The following KIFC3 variants were observed in gnomAD, a reference collection of about 807,000 sequenced individuals.
KIFC3 encodes kinesin-like protein KIFC3.
In KIFC3, 60 loss-of-function variants were observed where a neutral mutation model predicts 101.8. The observed-to-expected ratio is 0.59, with a 90% CI of 0.48 to 0.73. KIFC3 has a LOEUF of 0.73. Among genes scored for constraint, KIFC3 ranks in the 30% least tolerant of loss-of-function variants. The probability of loss-of-function intolerance (pLI) is 0.00; values close to 1 mark genes in which losing one functional copy is unlikely to be tolerated. For missense variants in KIFC3, 966 were observed against 1,137.1 expected, an observed-to-expected ratio of 0.85 and a Z score of 2.16; for synonymous variants, 476 against 482.7, an observed-to-expected ratio of 0.99 and a Z score of 0.18.
chr16:57,767,046 G>A, intron 9 of KIFC3, 61 bp from the exon 10 acceptor site: 1 of 1,391,238 alleles, frequency 7.2e-7, no homozygotes, highest in Non-Finnish European at 1.0e-6. Flanking sequence ...CGGCCTGACT[G>A]CCCACCCCTG....
intron 1 of KIFC3, among the ~76,000 whole-genome samples, chr16:57,810,193 G>GA (rs1416524895): frequency 1.1e-4 from 16 of 151,442 alleles, no homozygotes; most frequent in East Asian, 1.9e-4. Flanking sequence ...ACTACTGGGG[G>GA]AAAAAAAAAT....
chr16:57,824,615 G>A (rs1333480273), intron 1 of KIFC3, among the ~76,000 whole-genome samples: 7 of 152,152 alleles, frequency 4.6e-5, no homozygotes, highest in African/African-American at 1.2e-4. Flanking sequence ...CACAGGAGGC[G>A]GAGGTTGCAG....
At chr16:57,767,079 C>G in intron 9 of KIFC3, 94 bp from the exon 10 acceptor site, 1 of 944,892 alleles carries the variant, frequency 1.1e-6, no homozygotes, top group Non-Finnish European at 1.7e-6. Context: ...TGCCTCCTGC[C>G]CCTGGCTGAG....
intron 1 of KIFC3, among the ~76,000 whole-genome samples, chr16:57,842,649 C>T (rs2055837897): frequency 6.6e-6 from 1 of 152,148 alleles, no homozygotes; most frequent in African/African-American, 2.4e-5. Context: ...TTTCTCTTTT[C>T]ATCCCATAAC....
chr16:57,793,057 C>T (rs1238898662), intron 3 of KIFC3, among the ~76,000 whole-genome samples: 2 of 151,384 alleles, frequency 1.3e-5, no homozygotes, highest in Non-Finnish European at 2.9e-5. Flanking sequence ...GAGGTTGAGG[C>T]GGGTAGATCA....
At chr16:57,862,270 C>T (rs1959338647) in intron 1 of KIFC3, among the ~76,000 whole-genome samples, 1 of 151,202 alleles carries the variant, frequency 6.6e-6, no homozygotes, top group Admixed American at 6.6e-5. Context: ...GTGATCCTCC[C>T]GCCTCAGCCT....
At chr16:57,777,594 G>A (rs1280772646) in intron 3 of KIFC3, among the ~76,000 whole-genome samples, 12 of 152,212 alleles carry the variant, frequency 7.9e-5, no homozygotes, top group South Asian at 2.1e-4. Context: ...CATGGCAGGC[G>A]CCTGTAATCC....
intron 1 of KIFC3, among the ~76,000 whole-genome samples, chr16:57,827,820 G>A (rs1555631046): frequency 1.3e-5 from 2 of 152,316 alleles, no homozygotes; most frequent in Middle Eastern, 3.4e-3. Flanking sequence ...TCCTGAAGAT[G>A]AAAGCTGATT....
Position 57,775,191 on chromosome 16 carries a change from C to A in KIFC3, c.316-2903G>T, listed in dbSNP as rs1199648596. 1.7e-5 allele frequency: 23 copies of A among 1,333,378 alleles called. No homozygotes were observed. In the Admixed American group the frequency reaches 8.6e-4, roughly 50 times the overall value. 82.6% of individuals were successfully genotyped at this position (1,333,378 alleles called of 1,614,324 possible). ...CAGAGGGGCACCCAAAAGGAAGTGG[C>A]CGCAACCGCAACCAGGGCAGGCTGG... On this transcript the variant is annotated intron_variant, in intron 3 of 19. Coordinates refer to ENST00000445690, the MANE Select transcript of KIFC3 (RefSeq NM_001130100.2).
At chr16:57,850,477 T>G (rs887505474) in intron 1 of KIFC3, among the ~76,000 whole-genome samples, 11 of 136,560 alleles carry the variant, frequency 8.1e-5, no homozygotes, top group East Asian at 4.1e-4. Flanking sequence ...TTTTTTTTTT[T>G]TTTTTTTTTT....
At chr16:57,807,940 A>G (rs868970710), upstream of KIFC3, 1 of 128,098 alleles carries the variant, frequency 7.8e-6, no homozygotes, top group Non-Finnish European at 1.5e-5. Flanking sequence ...AAAAAAAAAA[A>G]AAAAAAAAAA....
intron 1 of KIFC3, among the ~76,000 whole-genome samples, chr16:57,838,960 G>T (rs1334856216): frequency 6.6e-6 from 1 of 152,166 alleles, no homozygotes; most frequent in African/African-American, 2.4e-5. Context: ...GACTAGCAAG[G>T]TGCAGAGTGG....
chr16:57,845,296 C>T (rs1013218243), intron 1 of KIFC3, among the ~76,000 whole-genome samples: 6 of 152,190 alleles, frequency 3.9e-5, no homozygotes, highest in African/African-American at 1.2e-4. Context: ...AGTGCCCCCA[C>T]CATCCCTCCC....
chr16:57,861,891 G>A (rs1959301063), intron 1 of KIFC3, among the ~76,000 whole-genome samples: 1 of 152,190 alleles, frequency 6.6e-6, no homozygotes, highest in Non-Finnish European at 1.5e-5. Context: ...GGAGTTTGCA[G>A]TGAGCCAAGA....
intron 1 of KIFC3, chr16:57,862,726 T>C: frequency 7.8e-7 from 1 of 1,275,490 alleles, no homozygotes; most frequent in Non-Finnish European, 1.0e-6. Flanking sequence ...GCCAGGCCCT[T>C]ACCTTGCACT....
intron 9 of KIFC3, among the ~76,000 whole-genome samples, chr16:57,768,131 G>T (rs2050696677): frequency 6.6e-6 from 1 of 152,154 alleles, no homozygotes. Flanking sequence ...TTCAAAACCA[G>T]CCTGGCCAAC....
At chr16:57,854,135 T>C (rs1156242131) in intron 1 of KIFC3, among the ~76,000 whole-genome samples, 1 of 151,262 alleles carries the variant, frequency 6.6e-6, no homozygotes, top group African/African-American at 2.4e-5. Flanking sequence ...AGAAATGGGG[T>C]TTCACCATGT....
At chr16:57,816,149 G>A (rs1339325618) in intron 1 of KIFC3, 1 of 1,216,102 alleles carries the variant, frequency 8.2e-7, no homozygotes, top group African/African-American at 1.6e-5. Flanking sequence ...CTGAGCTGCT[G>A]GGGAGAGGAA....
At chr16:57,842,453 G>C (rs1052829160) in intron 1 of KIFC3, among the ~76,000 whole-genome samples, 5 of 152,192 alleles carry the variant, frequency 3.3e-5, no homozygotes, top group Non-Finnish European at 4.4e-5. Context: ...CAGTGCAGCA[G>C]AGCGGGAATC....
Sources: allele counts gnomAD v4.1 joint callset (sites outside exome capture counted in the v4.1 genomes callset), GRCh38; gene constraint gnomAD v4.1.1; transcripts MANE v1.5; gene names NCBI Gene and HGNC (gene_info 2026-07-23, HGNC 2026-07-21).